CELSR3: variants seen among roughly 807,000 people sequenced by gnomAD.
The protein encoded by CELSR3 is cadherin EGF LAG seven-pass G-type receptor 3.
In CELSR3, 73 loss-of-function variants were observed where a neutral mutation model predicts 270.0. The observed-to-expected ratio is 0.27, with a 90% CI of 0.22 to 0.33. The LOEUF (loss-of-function observed/expected upper bound fraction) is 0.33, where lower values mean the gene tolerates loss of function less well. Among genes scored for constraint, CELSR3 ranks in the 10% least tolerant of loss-of-function variants. The pLI is 1.00. For synonymous variants in CELSR3, 1,780 were observed against 1,905.4 expected (o/e 0.93, Z 1.71); for missense variants, 3,614 against 4,533.8 (o/e 0.80, Z 5.83).
At position 48,637,732 on chromosome 3, in the gene CELSR3, T is replaced by C. The variant is rs762512656; in HGVS notation, c.*473A>G. On this transcript the variant is annotated 3_prime_UTR_variant, in exon 35 of 35. Coordinates refer to ENST00000164024, the MANE Select transcript of CELSR3 (RefSeq NM_001407.3). ...TTCAATAAAAAGCAAAGAACAATTC[T>C]GTACTTTGGGCCCCTGACGATACTC... 72 of 157,160 alleles carry C rather than the reference T, an allele frequency of 4.6e-4. No individual in the cohort carries two copies. Among genetic ancestry groups the C allele is most frequent in the Admixed American group, 2.0e-3 (32 of 15,874 alleles). The allele number at this position is 157,160 out of a possible 1,614,324, so 9.7% of individuals were successfully genotyped here. A position where few individuals can be genotyped will look rare whatever the true frequency, so the allele number is the denominator to read the frequency against.
chr3:48,652,422 C>A lies in CELSR3; in HGVS notation c.5751+15G>T. ...ACCCTAATGCCCCATATCACATTCC[C>A]ATGCTGACCCCCACCTGGATGCAGC... is the stretch of plus-strand genomic sequence containing the variant. On this transcript the variant is annotated intron_variant, in intron 11 of 34. Coordinates refer to ENST00000164024, the MANE Select transcript of CELSR3 (RefSeq NM_001407.3). The surrounding 1 kb of genome is among the most constrained non-coding windows in gnomAD (Gnocchi z 4.3). The A allele has an allele frequency of 6.3e-7, 1 of 1,595,492 alleles. No homozygotes were observed. The highest frequency in any genetic ancestry group is 1.1e-5 in the South Asian group (1 of 90,706).
rs1170564651 is a variant in CELSR3 at position 48,643,095 on chromosome 3, C to T, written c.8290-12G>A. 6.9e-6 allele frequency: 11 copies of T among 1,583,004 alleles called. No homozygotes were observed. The highest frequency in any genetic ancestry group is 1.1e-5 in the South Asian group (1 of 90,360). On this transcript the variant is annotated splice_polypyrimidine_tract_variant and intron_variant, in intron 28 of 34. Coordinates refer to ENST00000164024, the MANE Select transcript of CELSR3 (RefSeq NM_001407.3). ...AGCACCGCCAGGCCCTGTGGGTCAG[C>T]GAGGGTCAAAGCAGAGTCGGCAGGG...
rs2047110559 is a variant in CELSR3 at position 48,648,701 on chromosome 3, C to T, written c.6777+18G>A. The T allele has an allele frequency of 6.2e-7, 1 of 1,605,346 alleles. No individual in the cohort carries two copies. Among genetic ancestry groups the T allele is most frequent in the Non-Finnish European group, 8.5e-7 (1 of 1,178,896 alleles). On this transcript the variant is annotated intron_variant, in intron 18 of 34. Coordinates refer to ENST00000164024, the MANE Select transcript of CELSR3 (RefSeq NM_001407.3). ...AGCTGGGGGGCCAAGGCACTGAGAA[C>T]ATAGGGCACAGCCCCACCTCATTGA...
rs766542023 is a variant in CELSR3, at chr3:48,653,227, T to A, written c.5449-40A>T. 1 of 1,587,374 alleles carries A rather than the reference T, an allele frequency of 6.3e-7. No individual in the cohort carries two copies. Among genetic ancestry groups the A allele is most frequent in the South Asian group, 1.1e-5 (1 of 89,664 alleles). On this transcript the variant is annotated intron_variant, in intron 9 of 34. Coordinates refer to ENST00000164024, the MANE Select transcript of CELSR3 (RefSeq NM_001407.3). The surrounding 1 kb of genome is among the most constrained non-coding windows in gnomAD (Gnocchi z 6.5). ...GCATAGCCCTGGGGTTAGAGCCCCA[T>A]GTGGGCTGGGACTTGGAGGTGAGAT...
rs1373423560 is a variant in CELSR3 at position 48,656,148 on chromosome 3, C to T, written c.4617G>A (p.Leu1539=). 1.1e-5 allele frequency: 17 copies of T among 1,535,998 alleles called. No individual in the cohort carries two copies. The African/African-American group carries it at 1.8e-4, about 16-fold the overall frequency. ...RGLRQRFHLT[L]SLSFATVQQS... ...ACGGGGCGGGCACCTACGAGAGGGA[C>T]AGCGTAAGGTGGAATCGCTGCCGCA... The change falls in exon 3 of 35, where the codon CTG becomes CTA. Residue 1539 remains leucine, a synonymous_variant. Transcript: ENST00000164024.
chr3:48,644,667 C>A lies in CELSR3; in HGVS notation c.8085+49G>T, dbSNP rs758919340. On this transcript the variant is annotated intron_variant, in intron 26 of 34. Coordinates refer to ENST00000164024, the MANE Select transcript of CELSR3 (RefSeq NM_001407.3). The surrounding 1 kb of genome is among the most constrained non-coding windows in gnomAD (Gnocchi z 4.8). ...AGCTGAGTCCACTGCACCTCCTCCC[C>A]CAATGAGGGAGGGAAGTACAGAGGG... 2 of 1,422,752 alleles carry A rather than the reference C, an allele frequency of 1.4e-6. No homozygotes were observed. Among genetic ancestry groups the A allele is most frequent in the Non-Finnish European group, 2.0e-6 (2 of 1,009,698 alleles). The allele number at this position is 1,422,752 out of a possible 1,614,324, so 88.1% of individuals were successfully genotyped here.
chr3:48,650,432 C>CCGGGGGGGG lies in CELSR3; in HGVS notation c.6472+47_6472+48insCCCCCCCCG. On this transcript the variant is annotated intron_variant, in intron 16 of 34. Transcript: ENST00000164024. The surrounding 1 kb of genome is among the most constrained non-coding windows in gnomAD (Gnocchi z 5.1). Reference sequence around the variant, plus strand: ...AGACATGGCTCTAGCAGTCAGAGTACAGGCCCACCCCCACCCTCAGTGATG... The same window carrying CCGGGGGGGG: ...AGACATGGCTCTAGCAGTCAGAGTACCGGGGGGGGAGGCCCACCCCCACCCTCAGTGATG... 12 of 1,208,926 alleles carry CCGGGGGGGG rather than the reference C, an allele frequency of 9.9e-6. No individual in the cohort carries two copies. The highest frequency in any genetic ancestry group is 2.8e-5 in the East Asian group (1 of 35,582). The allele number at this position is 1,208,926 out of a possible 1,614,324, so 74.9% of individuals were successfully genotyped here. A position where few individuals can be genotyped will look rare whatever the true frequency, so the allele number is the denominator to read the frequency against.
Position 48,655,101 on chromosome 3 carries a change from C to T in CELSR3, c.4931G>A (p.Gly1644Asp). 6.2e-7 allele frequency: 1 copy of T among 1,613,920 alleles called. No individual in the cohort carries two copies. Among genetic ancestry groups the T allele is most frequent in the African/African-American group, 1.3e-5 (1 of 74,934 alleles). The change falls in exon 6 of 35, where the codon GGT (glycine) becomes GAT (aspartate). Residue 1644 changes from glycine (G) to aspartate (D), a missense_variant. By Grantham distance (94) the Gly-to-Asp change is moderately conservative (BLOSUM62 -1). Transcript: ENST00000164024. This position sits in a 1 kb window ranked among gnomAD's most constrained non-coding sequence, Gnocchi z 5.8. ...GCATGAGTAGTTGCCAATCTCAGCA[C>T]CAAACTGCAGAGCCACGGCCACATC... The part of the protein sequence containing the change: ...DCDVAVALQF[G>D]AEIGNYSCAA...
rs1466590842 is a variant in CELSR3, at chr3:48,642,993, C to T, written c.8380G>A (p.Glu2794Lys). ...PACLGRKAAP[E>K]EARPAPGLGP... ...AGCCCAGGTGCTGGCCTTGCCTCCT[C>T]AGGCGCTGCCTTCCTGCCCAGACAG... Residue 2794 changes from glutamate (E) to lysine (K), a missense_variant, in exon 29 of 35, where the codon GAG becomes AAG. This residue lies in a region of CELSR3 where 1,240 missense variants were observed against 1,351.7 expected (regional missense o/e 0.92). Transcript: ENST00000164024. The surrounding 1 kb of genome is among the most constrained non-coding windows in gnomAD (Gnocchi z 6.1). The T allele has an allele frequency of 6.2e-7, 1 of 1,612,604 alleles. No individual in the cohort carries two copies. The highest frequency in any genetic ancestry group is 8.5e-7 in the Non-Finnish European group (1 of 1,179,822).
intron 19 of CELSR3, 74 bp downstream of exon 19, chr3:48,648,192 C>A (rs1262282597): frequency 2.6e-6 from 4 of 1,515,612 alleles, no homozygotes; most frequent in African/African-American, 2.7e-5. Flanking sequence ...ATAGCCACAG[C>A]CCCTCAGACC....
At position 48,661,746 on chromosome 3, in the gene CELSR3, C is replaced by G. The variant is rs950331937; in HGVS notation, c.889G>C (p.Gly297Arg). The change falls in exon 1 of 35, where the codon GGA becomes CGA. Residue 297 changes from glycine (G) to arginine (R), a missense_variant. Physicochemically the swap from Gly to Arg is moderately radical, Grantham distance 125. Around this residue, in one of 7 missense-constraint regions of CELSR3, gnomAD observed 470 missense variants for 469.7 expected, o/e 1.00. Coordinates refer to ENST00000164024, the MANE Select transcript of CELSR3 (RefSeq NM_001407.3). ...CTGGCTTCAGGACGGGCCGGGAGTC[C>G]CGGGGGACGCGGCCCGGGGCGCTGC... ...LPQRPGPRPPGLPARPEARKV... is the reference protein window; with the variant it reads ...LPQRPGPRPPRLPARPEARKV... 1 of 1,583,760 alleles carries G rather than the reference C, an allele frequency of 6.3e-7. No individual in the cohort carries two copies. Among genetic ancestry groups the G allele is most frequent in the East Asian group, 2.2e-5 (1 of 44,538 alleles).
Position 48,641,968 on chromosome 3 carries a change from C to T in CELSR3, c.8707G>A (p.Glu2903Lys), listed in dbSNP as rs535700877. The T allele has an allele frequency of 1.3e-6, 2 of 1,587,216 alleles. No individual in the cohort carries two copies. The highest frequency in any genetic ancestry group is 1.7e-6 in the Non-Finnish European group (2 of 1,170,616). ...DSDSDLSLEE[E>K]RSLSIPSSES... Reference sequence around the variant, plus strand: ...GAAGATGGAATGGAGAGACTCCTCTCCTCCTCCAAGGACAGGTCACTGTCA... The same window carrying T: ...GAAGATGGAATGGAGAGACTCCTCTTCTCCTCCAAGGACAGGTCACTGTCA... Residue 2903 changes from glutamate (E) to lysine (K), a missense_variant, in exon 32 of 35, where the codon GAG (glutamate) becomes AAG (lysine). Around this residue, in one of 7 missense-constraint regions of CELSR3, gnomAD observed 1,240 missense variants for 1,351.7 expected, o/e 0.92. Transcript: ENST00000164024. The surrounding 1 kb of genome is among the most constrained non-coding windows in gnomAD (Gnocchi z 4.8).
Position 48,653,547 on chromosome 3 carries a change from A to G in CELSR3, c.5448+72T>C, listed in dbSNP as rs1294394725. On this transcript the variant is annotated intron_variant, in intron 9 of 34. Transcript: ENST00000164024. This position sits in a 1 kb window ranked among gnomAD's most constrained non-coding sequence, Gnocchi z 6.5. ...AAAGTATGCTGTGTGACCAACCTGAACCCACAAGAATGTCAGTGGCGGCCT... is the reference window on the plus strand; with the variant it reads ...AAAGTATGCTGTGTGACCAACCTGAGCCCACAAGAATGTCAGTGGCGGCCT... 5 of 1,556,586 alleles carry G rather than the reference A, an allele frequency of 3.2e-6. No individual in the cohort carries two copies. Among genetic ancestry groups the G allele is most frequent in the Non-Finnish European group, 4.4e-6 (5 of 1,141,358 alleles).
rs1344021758 is a variant in CELSR3 at position 48,640,092 on chromosome 3, G to T, written c.9493C>A (p.Leu3165Ile). Residue 3165 changes from leucine (L) to isoleucine (I), a missense_variant, in exon 34 of 35, where the codon CTT becomes ATT. Transcript: ENST00000164024. This position sits in a 1 kb window ranked among gnomAD's most constrained non-coding sequence, Gnocchi z 7.5. Reference protein sequence around the residue: ...TLPPPRRTRDLDPQPPPLPLS... With the variant: ...TLPPPRRTRDIDPQPPPLPLS... ...GGCAGAGGTGGGGGCTGTGGGTCAA[G>T]GTCCCGGGTGCGGCGGGGCGGAGGC... 1.9e-6 allele frequency: 3 copies of T among 1,610,996 alleles called. No homozygotes were observed. Among genetic ancestry groups the T allele is most frequent in the Middle Eastern group, 1.6e-4 (1 of 6,080 alleles).
In CELSR3 at chr3:48,646,703, A is replaced by G; in HGVS notation, c.7295+60T>C. 2 of 1,551,534 alleles carry G rather than the reference A, an allele frequency of 1.3e-6. No homozygotes were observed. Among genetic ancestry groups the G allele is most frequent in the East Asian group, 4.6e-5 (2 of 43,708 alleles). ...TGTGAACCTACGCATCTACCCACCAAAAAAGGGGCTGCCAGGCTGAGAAGT... is the reference window on the plus strand; with the variant it reads ...TGTGAACCTACGCATCTACCCACCAGAAAAGGGGCTGCCAGGCTGAGAAGT... On this transcript the variant is annotated intron_variant, in intron 21 of 34. Coordinates refer to ENST00000164024, the MANE Select transcript of CELSR3 (RefSeq NM_001407.3). This position sits in a 1 kb window ranked among gnomAD's most constrained non-coding sequence, Gnocchi z 4.8.
In CELSR3 at chr3:48,645,154, G is replaced by A. The variant is rs138657991; in HGVS notation, c.7853C>T (p.Ala2618Val). 3.9e-4 allele frequency: 621 copies of A among 1,597,350 alleles called. No individual in the cohort carries two copies. Among genetic ancestry groups the A allele is most frequent in the Non-Finnish European group, 4.5e-4 (525 of 1,167,510 alleles). Residue 2618 changes from alanine (A) to valine (V), a missense_variant, in exon 25 of 35, where the codon GCG becomes GTG. Coordinates refer to ENST00000164024, the MANE Select transcript of CELSR3 (RefSeq NM_001407.3). The surrounding 1 kb of genome is among the most constrained non-coding windows in gnomAD (Gnocchi z 5.4). ...GTGCAGCCCCTGCACGAAGAGCCAC[G>A]CGAAGGTGCTGAGGAAGAAGTAGTG... The part of the protein sequence containing the change: ...LLHYFFLSTF[A>V]WLFVQGLHLY...
Position 48,662,418 on chromosome 3 carries a change from C to T in CELSR3, c.217G>A (p.Asp73Asn). The change falls in exon 1 of 35, where the codon GAT becomes AAT. Residue 73 changes from aspartate (D) to asparagine (N), a missense_variant. Asp to Asn is a conservative substitution (Grantham distance 23). Around this residue, in one of 7 missense-constraint regions of CELSR3, gnomAD observed 470 missense variants for 469.7 expected, o/e 1.00. Transcript: ENST00000164024. The surrounding 1 kb of genome is among the most constrained non-coding windows in gnomAD (Gnocchi z 7.1). ...LCPESSGVRE[D>N]GGPGLGVREP... ...CTGACCCCCAGGCCAGGCCCCCCAT[C>T]CTCCCGGACCCCGGAAGACTCCGGA... 1 of 1,612,864 alleles carries T rather than the reference C, an allele frequency of 6.2e-7. No individual in the cohort carries two copies. The highest frequency in any genetic ancestry group is 8.5e-7 in the Non-Finnish European group (1 of 1,179,920).
At position 48,654,111 on chromosome 3, in the gene CELSR3, C is replaced by T. The variant is rs2047160468; in HGVS notation, c.5153-108G>A. 2 of 1,523,156 alleles carry T rather than the reference C, an allele frequency of 1.3e-6. No individual in the cohort carries two copies. Among genetic ancestry groups the T allele is most frequent in the African/African-American group, 1.4e-5 (1 of 72,140 alleles). The allele number at this position is 1,523,156 out of a possible 1,614,324, so 94.4% of individuals were successfully genotyped here. A position where few individuals can be genotyped will look rare whatever the true frequency, so the allele number is the denominator to read the frequency against. Reference sequence around the variant, plus strand: ...GCTGAAAGAGACCAAGATCTCAGCCCCATTTCCCATTTTCTTTCGATGAGT... The same window carrying T: ...GCTGAAAGAGACCAAGATCTCAGCCTCATTTCCCATTTTCTTTCGATGAGT... On this transcript the variant is annotated intron_variant, in intron 7 of 34. Transcript: ENST00000164024. This position sits in a 1 kb window ranked among gnomAD's most constrained non-coding sequence, Gnocchi z 5.4.
At chr3:48,643,523 T>C (rs2047049321) in intron 28 of CELSR3, 31 bp downstream of exon 28, 2 of 1,544,804 alleles carry the variant, frequency 1.3e-6, no homozygotes, top group Non-Finnish European at 1.7e-6. Context: ...GCCCACCTGG[T>C]TCTGGGGCAA....
Sources: gnomAD v4.1 joint callset for allele counts on GRCh38, gnomAD v4.1.1 for gene constraint, gnomAD v4.1.1 regional missense constraint, Gnocchi (gnomAD v3.1) non-coding constraint, MANE v1.5 for transcripts, NCBI Gene and HGNC (gene_info 2026-07-23, HGNC 2026-07-21) for gene names.